The following RCOR1 variants were observed in gnomAD, a reference collection of about 807,000 sequenced individuals.
RCOR1 encodes the protein REST corepressor.
Under a neutral mutation model 64.0 loss-of-function variants are expected in RCOR1, and 12 were observed. The observed-to-expected ratio is 0.19, with a 90% CI of 0.12 to 0.30. RCOR1 has a LOEUF of 0.30. RCOR1 is among the 10% of genes least tolerant of loss of function. The pLI is 1.00. For missense variants in RCOR1, 502 were observed against 621.2 expected, an observed-to-expected ratio of 0.81 and a Z score of 2.04; for synonymous variants, 279 against 227.2, an observed-to-expected ratio of 1.23 and a Z score of -2.05.
chr14:102,662,468 A>T, intron 2 of RCOR1: 1 of 538,426 alleles, frequency 1.9e-6, no homozygotes, highest in South Asian at 1.4e-5. Flanking sequence ...CTCAGTGGTC[A>T]GCGGCAACTT....
chr14:102,706,136 A>AAAAAAAAAAAAAAC (rs1567442106), intron 4 of RCOR1, among the ~76,000 whole-genome samples: 6 of 148,978 alleles, frequency 4.0e-5, no homozygotes, highest in African/African-American at 1.3e-4. Context: ...AAAAAAAAAA[A>AAAAAAAAAAAAAAC]AAAAAACCTA....
intron 2 of RCOR1, among the ~76,000 whole-genome samples, chr14:102,640,805 A>T (rs777072759): frequency 6.6e-5 from 10 of 152,078 alleles, no homozygotes; most frequent in Non-Finnish European, 1.3e-4. Context: ...ACAGAAAATT[A>T]AAAAATTAGC....
intron 2 of RCOR1, among the ~76,000 whole-genome samples, chr14:102,632,906 G>T (rs1289433569): frequency 6.6e-6 from 1 of 150,788 alleles, no homozygotes; most frequent in African/African-American, 2.5e-5. Context: ...CAAACTCCTG[G>T]GCTCAAGCAG....
At chr14:102,696,051 T>A (rs1164284528) in intron 3 of RCOR1, among the ~76,000 whole-genome samples, 1 of 152,098 alleles carries the variant, frequency 6.6e-6, no homozygotes, top group Non-Finnish European at 1.5e-5. Flanking sequence ...TTTCTGCTTG[T>A]CAGTATAGAT....
At chr14:102,697,693 G>T (rs1402880652) in intron 3 of RCOR1, among the ~76,000 whole-genome samples, 1 of 151,566 alleles carries the variant, frequency 6.6e-6, no homozygotes, top group African/African-American at 2.4e-5. Context: ...CTTTACTTTA[G>T]ATTTGAGTCA....
At chr14:102,666,898 A>C (rs1467353199) in intron 2 of RCOR1, among the ~76,000 whole-genome samples, 1 of 151,942 alleles carries the variant, frequency 6.6e-6, no homozygotes, top group African/African-American at 2.4e-5. Context: ...GCTGTAAAGT[A>C]CTCTTCCATC....
chr14:102,699,120 C>G (rs1281092096), intron 3 of RCOR1, among the ~76,000 whole-genome samples: 2 of 152,158 alleles, frequency 1.3e-5, no homozygotes, highest in Non-Finnish European at 2.9e-5. Flanking sequence ...CTCTTGACTT[C>G]GTGATCCACC....
intron 2 of RCOR1, among the ~76,000 whole-genome samples, chr14:102,632,703 TTTCCTTTTCCTTTCC>T: frequency 1.9e-5 from 2 of 103,160 alleles, no homozygotes; most frequent in African/African-American, 7.6e-5. Flanking sequence ...TTTCCTTTCC[TTTCCTTTTCCTTTCC>T]TTTCCTTTCT....
At chr14:102,657,697 A>G (rs1351977670) in intron 2 of RCOR1, 7 of 399,890 alleles carry the variant, frequency 1.8e-5, no homozygotes. Flanking sequence ...AATTAGCCGG[A>G]CTTGGTGGTG....
At chr14:102,665,108 C>T (rs1340403770) in intron 2 of RCOR1, among the ~76,000 whole-genome samples, 4 of 151,982 alleles carry the variant, frequency 2.6e-5, no homozygotes, top group African/African-American at 9.7e-5. Flanking sequence ...CGGGTTCAAG[C>T]GATTCTTCTG....
intron 2 of RCOR1, chr14:102,658,539 T>C (rs1894771155): frequency 1.2e-5 from 12 of 985,190 alleles, no homozygotes; most frequent in Non-Finnish European, 1.4e-5. Context: ...ATGGAAAGTT[T>C]TTAGAATGTG....
chr14:102,701,423 GT>G (rs1895757116), intron 4 of RCOR1, 93 bp downstream of exon 4: 4 of 955,308 alleles, frequency 4.2e-6, no homozygotes, highest in Admixed American at 3.0e-5. Context: ...GAGTAGCAGT[GT>G]TTCTTCATTA....
At chr14:102,601,681 GA>G (rs1893400728) in intron 2 of RCOR1, among the ~76,000 whole-genome samples, 1 of 152,190 alleles carries the variant, frequency 6.6e-6, no homozygotes, top group South Asian at 2.1e-4. Flanking sequence ...TGTTGGGCAG[GA>G]ATGGTCCTTC....
chr14:102,677,267 T>C (rs1158431085), intron 2 of RCOR1, among the ~76,000 whole-genome samples: 3 of 98,262 alleles, frequency 3.1e-5, no homozygotes, highest in Non-Finnish European at 6.0e-5. Context: ...GGCTCCTCAC[T>C]TCCCAGTCGG....
chr14:102,682,105 G>T, intron 3 of RCOR1, 127 bp downstream of exon 3: 1 of 569,432 alleles, frequency 1.8e-6, no homozygotes, highest in Non-Finnish European at 3.0e-6. Context: ...AATTTAAAGA[G>T]TTTTAAAGTG....
At position 102,727,844 on chromosome 14, in the gene RCOR1, G is replaced by C. The variant is rs1369691921; in HGVS notation, c.*1338G>C. The C allele has an allele frequency of 2.0e-5, 3 of 152,374 alleles. No homozygotes were observed. Among genetic ancestry groups the C allele is most frequent in the African/African-American group, 7.2e-5 (3 of 41,446 alleles). 9.4% of individuals were successfully genotyped at this position (152,374 alleles called of 1,614,324 possible). On this transcript the variant is annotated 3_prime_UTR_variant, in exon 12 of 12. Coordinates refer to ENST00000262241, the MANE Select transcript of RCOR1 (RefSeq NM_015156.4). ...TGTTATCTTATCAGACCATGGGCCT[G>C]CTGAGGGTTGAGCAGACAGCCTGCA...
intron 8 of RCOR1, chr14:102,720,790 C>T (rs921301455): frequency 5.2e-6 from 2 of 382,354 alleles, no homozygotes; most frequent in East Asian, 4.5e-5. Flanking sequence ...TCCGTCCCCT[C>T]CTCCTTGGGT....
chr14:102,660,713 G>A (rs1000458993), intron 2 of RCOR1, among the ~76,000 whole-genome samples: 2 of 152,252 alleles, frequency 1.3e-5, no homozygotes, highest in African/African-American at 4.8e-5. Flanking sequence ...AAATAGATGT[G>A]TCTTTTCTGG....
intron 11 of RCOR1, among the ~76,000 whole-genome samples, chr14:102,722,928 G>A (rs979149772): frequency 1.3e-5 from 2 of 152,186 alleles, no homozygotes; most frequent in African/African-American, 2.4e-5. Flanking sequence ...GTATTGATGG[G>A]GACAGTTCTG....
Sources: allele counts gnomAD v4.1 joint callset (sites outside exome capture counted in the v4.1 genomes callset), GRCh38; gene constraint gnomAD v4.1.1; transcripts MANE v1.5; gene names NCBI Gene and HGNC (gene_info 2026-07-23, HGNC 2026-07-21).